TBCD: variants seen among roughly 807,000 people sequenced by gnomAD.
TBCD encodes tubulin folding cofactor D, also known as tubulin-specific chaperone D.
A neutral mutation model predicts 169.3 loss-of-function variants in TBCD; 105 were observed. The ratio of observed to expected loss-of-function variants is 0.62; its 90% confidence interval spans 0.53 to 0.73. The LOEUF (loss-of-function observed/expected upper bound fraction) is 0.73. TBCD is among the 30% of genes least tolerant of loss of function. TBCD has a pLI of 0.00. For synonymous variants in TBCD, 700 were observed against 643.9 expected, an observed-to-expected ratio of 1.09 and a Z score of -1.32; for missense variants, 1,444 against 1,600.1, an observed-to-expected ratio of 0.90 and a Z score of 1.66.
Position 82,890,352 on chromosome 17 carries a change from G to A in TBCD, c.1563+655G>A, listed in dbSNP as rs564360119. ...CCTGGGCGGGGAGCAAAGTTCCCAC[G>A]AGAAGTCAGCCGAGAAGGCTCTGGA... is the stretch of plus-strand genomic sequence containing the variant. On this transcript the variant is annotated intron_variant, in intron 16 of 38. Transcript: ENST00000355528. This position sits in a 1 kb window ranked among gnomAD's most constrained non-coding sequence, Gnocchi z 5.3. Among the ~76,000 whole-genome samples, 4 of 152,304 alleles carry A rather than the reference G, an allele frequency of 2.6e-5. No homozygotes were observed. The highest frequency in any genetic ancestry group is 4.1e-4 in the South Asian group (2 of 4,832).
chr17:82,815,065 C>T (rs2051760608), intron 13 of TBCD, 131 bp downstream of exon 13: 3 of 1,420,968 alleles, frequency 2.1e-6, no homozygotes, highest in Admixed American at 4.6e-5. Context: ...ACCAGGCTGT[C>T]CGTGGCAGGC....
intron 3 of TBCD, among the ~76,000 whole-genome samples, chr17:82,764,390 A>T (rs1035863264): frequency 2.6e-5 from 4 of 152,194 alleles, no homozygotes; most frequent in African/African-American, 9.6e-5. Context: ...CATGCCTGTA[A>T]TCCCAGCACT....
At chr17:82,813,629 C>T (rs561099026) in intron 12 of TBCD, among the ~76,000 whole-genome samples, 11 of 152,286 alleles carry the variant, frequency 7.2e-5, no homozygotes, top group East Asian at 5.8e-4. Flanking sequence ...TTTTAAGTCA[C>T]GGTAACCTTG....
intron 24 of TBCD, 167 bp from the exon 25 acceptor site, chr17:82,921,334 T>G (rs1426482313): frequency 1.5e-6 from 1 of 645,252 alleles, no homozygotes; most frequent in African/African-American, 1.8e-5. Context: ...GGAAGGGGCC[T>G]TAGACTTAAC....
intron 13 of TBCD, among the ~76,000 whole-genome samples, chr17:82,866,785 C>G (rs2057204112): frequency 6.6e-6 from 1 of 152,234 alleles, no homozygotes; most frequent in South Asian, 2.1e-4. Flanking sequence ...AGCTGGAAGC[C>G]CAGCCCCTCT....
chr17:82,814,814 G>A (rs1172343190), intron 12 of TBCD, 26 bp from the exon 13 acceptor site: 2 of 1,611,828 alleles, frequency 1.2e-6, no homozygotes, highest in African/African-American at 2.7e-5. Context: ...CGTGGGCTGT[G>A]GTCTCAGGAT....
chr17:82,838,239 C>G, intron 13 of TBCD, among the ~76,000 whole-genome samples: 1 of 151,992 alleles, frequency 6.6e-6, no homozygotes, highest in East Asian at 1.9e-4. Flanking sequence ...ACAGTTAATG[C>G]AGCAGACAGT....
intron 12 of TBCD, among the ~76,000 whole-genome samples, chr17:82,810,182 A>G (rs1398933221): frequency 6.6e-6 from 1 of 152,172 alleles, no homozygotes; most frequent in African/African-American, 2.4e-5. Context: ...CTGAGTTTGA[A>G]TTGGATTTCA....
intron 13 of TBCD, among the ~76,000 whole-genome samples, chr17:82,827,992 C>T (rs985787553): frequency 3.4e-5 from 5 of 148,486 alleles, no homozygotes; most frequent in African/African-American, 5.0e-5. Context: ...CACACCCAAT[C>T]GAACGCACAC....
At chr17:82,883,820 C>T (rs113547770) in intron 14 of TBCD, among the ~76,000 whole-genome samples, 41 of 152,354 alleles carry the variant, frequency 2.7e-4, no homozygotes, top group African/African-American at 9.4e-4. Flanking sequence ...CCTCCTGCGC[C>T]GCCCCACCAC....
At chr17:82,836,277 G>A (rs1198850204) in intron 13 of TBCD, among the ~76,000 whole-genome samples, 2 of 152,216 alleles carry the variant, frequency 1.3e-5, no homozygotes, top group East Asian at 1.9e-4. Flanking sequence ...ATGCCTCGCC[G>A]CGCTCCCTGG....
At chr17:82,939,507 T>G in intron 37 of TBCD, 31 bp downstream of exon 37, 1 of 1,556,508 alleles carries the variant, frequency 6.4e-7, no homozygotes, top group Non-Finnish European at 8.8e-7. Flanking sequence ...CACGGCCACC[T>G]GGGCCTGGCA....
chr17:82,918,127 A>G (rs1015844180), intron 23 of TBCD, among the ~76,000 whole-genome samples: 1 of 152,188 alleles, frequency 6.6e-6, no homozygotes, highest in Non-Finnish European at 1.5e-5. Context: ...GACTCCGGGT[A>G]TGACAGTGTT....
Position 82,944,236 on chromosome 17 carries a change from C to T in TBCD, c.*1773C>T, listed in dbSNP as rs922877914. On this transcript the variant is annotated 3_prime_UTR_variant, in exon 39 of 39. Coordinates refer to ENST00000355528, the MANE Select transcript of TBCD (RefSeq NM_005993.5). ...TTAATGTCGGTCTAACTTAGCAACC[C>T]GAGGAAAGTGGATCACTCCACTGGC... The T allele has an allele frequency of 8.6e-5, 13 of 151,380 alleles. No individual in the cohort carries two copies. Among genetic ancestry groups the T allele is most frequent in the African/African-American group, 2.9e-4 (12 of 41,308 alleles). 9.4% of individuals were successfully genotyped at this position (151,380 alleles called of 1,614,324 possible). A position where few individuals can be genotyped will look rare whatever the true frequency, so the allele number is the denominator to read the frequency against.
At chr17:82,861,998 C>T (rs2056807324) in intron 13 of TBCD, among the ~76,000 whole-genome samples, 1 of 151,926 alleles carries the variant, frequency 6.6e-6, no homozygotes, top group Non-Finnish European at 1.5e-5. Context: ...TCTCGGCTCA[C>T]TGCAACCTCC....
intron 1 of TBCD, 140 bp downstream of exon 1, chr17:82,752,517 G>T: frequency 3.0e-6 from 2 of 674,934 alleles, no homozygotes; most frequent in Non-Finnish European, 3.8e-6. Context: ...CGCGGGCCGT[G>T]GTGGGGCGCG....
At chr17:82,791,216 T>C (rs181328546) in intron 7 of TBCD, among the ~76,000 whole-genome samples, 1 of 151,522 alleles carries the variant, frequency 6.6e-6, no homozygotes, top group Non-Finnish European at 1.5e-5. Context: ...CTCAGCCTCC[T>C]GAGTAGCTGG....
In TBCD at chr17:82,789,402, G is replaced by A. The variant is rs983466137; in HGVS notation, c.771+7681G>A. Among the ~76,000 whole-genome samples the A allele has an allele frequency of 1.3e-5, 2 of 152,226 alleles. No individual in the cohort carries two copies. Among genetic ancestry groups the A allele is most frequent in the African/African-American group, 4.8e-5 (2 of 41,454 alleles). ...GACGTGTGCTCACAGGCAGCCCGTC[G>A]CGGGGTCATGTGCTAGACGGGGAGG... On this transcript the variant is annotated intron_variant, in intron 7 of 38. Transcript: ENST00000355528. The surrounding 1 kb of genome is among the most constrained non-coding windows in gnomAD (Gnocchi z 4.8).
At chr17:82,897,860 C>G (rs1424522974) in intron 17 of TBCD, among the ~76,000 whole-genome samples, 1 of 152,140 alleles carries the variant, frequency 6.6e-6, no homozygotes, top group Non-Finnish European at 1.5e-5. Context: ...TTTGAGCCCC[C>G]GTGGGTTTTG....
Sources: allele counts gnomAD v4.1 joint callset (sites outside exome capture counted in the v4.1 genomes callset), GRCh38; gene constraint gnomAD v4.1.1; non-coding constraint Gnocchi (gnomAD v3.1); transcripts MANE v1.5; gene names NCBI Gene and HGNC (gene_info 2026-07-23, HGNC 2026-07-21).